AJAP1: variants seen among roughly 807,000 people sequenced by gnomAD.
The protein encoded by AJAP1 is adherens junctions associated protein 1.
Under a neutral mutation model 35.0 loss-of-function variants are expected in AJAP1, and 5 were observed. The ratio of observed to expected loss-of-function variants is 0.14; its 90% CI spans 0.07 to 0.30. The LOEUF (loss-of-function observed/expected upper bound fraction) is 0.30, where lower values mean the gene tolerates loss of function less well. AJAP1 is among the 10% of genes least tolerant of loss of function. The pLI, the probability that AJAP1 is intolerant of heterozygous loss-of-function variation, is 1.00. For synonymous variants in AJAP1, 284 were observed against 249.3 expected (o/e 1.14, Z -1.31); for missense variants, 586 against 571.0 (o/e 1.03, Z -0.27).
rs575667020 is a variant in AJAP1 at position 4,784,564 on chromosome 1, G to A, written c.*2079G>A. 7.9e-5 allele frequency: 12 copies of A among 152,298 alleles called. No individual in the cohort carries two copies. The highest frequency in any genetic ancestry group is 2.6e-4 in the African/African-American group (11 of 41,554). The allele number at this position is 152,298 out of a possible 1,614,324, so 9.4% of individuals were successfully genotyped here. On this transcript the variant is annotated 3_prime_UTR_variant, in exon 6 of 6. Coordinates refer to ENST00000378191, the MANE Select transcript of AJAP1 (RefSeq NM_018836.4). ...AAACACCTTGTGATATGCTTCAGAA[G>A]TTCACTTTTGTATCTCCTGAAACAT...
chr1:4,659,957 C>T lies in AJAP1; in HGVS notation c.29+4503C>T, dbSNP rs184873738. 1.7e-3 allele frequency among the ~76,000 whole-genome samples: 257 copies of T among 152,310 alleles called. 1 individual carries two copies. The highest frequency in any genetic ancestry group is 5.9e-3 in the African/African-American group (247 of 41,576). On this transcript the variant is annotated intron_variant, in intron 1 of 5. Coordinates refer to ENST00000378191, the MANE Select transcript of AJAP1 (RefSeq NM_018836.4). ...TCCCTAGAAATTTCTGCATAAACCG[C>T]CCCTTAATCTCCGTGGAATTAAAAG...
intron 1 of AJAP1, among the ~76,000 whole-genome samples, chr1:4,663,434 A>G (rs1309308154): frequency 6.6e-6 from 1 of 152,198 alleles, no homozygotes; most frequent in East Asian, 1.9e-4. Flanking sequence ...CAGGAATTCC[A>G]TGATGGGGAT....
chr1:4,763,769 C>G (rs563041600), intron 2 of AJAP1, among the ~76,000 whole-genome samples: 7 of 150,520 alleles, frequency 4.7e-5, no homozygotes, highest in Admixed American at 1.3e-4. Flanking sequence ...CTCTGTCTCT[C>G]TCTTCCTCCC....
At chr1:4,759,676 G>A (rs867413054) in intron 2 of AJAP1, among the ~76,000 whole-genome samples, 2 of 152,222 alleles carry the variant, frequency 1.3e-5, no homozygotes, top group Non-Finnish European at 2.9e-5. Flanking sequence ...GGAAACTGAA[G>A]TCACAGCACC....
chr1:4,740,397 T>TGGGGGAGGGGGAGGGGGAGCGAGTG (rs1553159528), intron 2 of AJAP1, among the ~76,000 whole-genome samples: 1 of 142,914 alleles, frequency 7.0e-6, no homozygotes. Context: ...GGGGACAGAG[T>TGGGGGAGGGGGAGGGGGAGCGAGTG]TTCAGTTTTG....
chr1:4,693,439 C>T lies in AJAP1; in HGVS notation c.30-18461C>T, dbSNP rs1570119463. Among the ~76,000 whole-genome samples the T allele has an allele frequency of 6.6e-6, 1 of 152,188 alleles. No individual in the cohort carries two copies. Among genetic ancestry groups the T allele is most frequent in the Admixed American group, 6.5e-5 (1 of 15,294 alleles). ...AGCAGGAGCAGGTAGGGCTTCTGGGCTAAGACTGAGCGTCCAAGCCTTCCT... is the reference window on the plus strand; with the variant it reads ...AGCAGGAGCAGGTAGGGCTTCTGGGTTAAGACTGAGCGTCCAAGCCTTCCT... On this transcript the variant is annotated intron_variant, in intron 1 of 5. Coordinates refer to ENST00000378191, the MANE Select transcript of AJAP1 (RefSeq NM_018836.4). The surrounding 1 kb of genome is among the most constrained non-coding windows in gnomAD (Gnocchi z 4.4).
intron 1 of AJAP1, among the ~76,000 whole-genome samples, chr1:4,672,310 G>A (rs933876977): frequency 1.3e-5 from 2 of 152,182 alleles, no homozygotes; most frequent in African/African-American, 4.8e-5. Flanking sequence ...CATTCCGCTA[G>A]GAGCCCTGAA....
intron 1 of AJAP1, among the ~76,000 whole-genome samples, chr1:4,704,326 G>A (rs957012872): frequency 8.7e-6 from 1 of 114,798 alleles, no homozygotes; most frequent in African/African-American, 3.6e-5. Context: ...CCCCACAACG[G>A]TGCCCAGAGT....
intron 2 of AJAP1, among the ~76,000 whole-genome samples, chr1:4,733,973 G>T (rs748116210): frequency 1.1e-4 from 16 of 152,188 alleles, no homozygotes; most frequent in Non-Finnish European, 2.1e-4. Flanking sequence ...GAATGGAGCG[G>T]TTCACGCGAG....
At chr1:4,713,785 G>A (rs1219525200) in intron 2 of AJAP1, among the ~76,000 whole-genome samples, 1 of 152,268 alleles carries the variant, frequency 6.6e-6, no homozygotes, top group Non-Finnish European at 1.5e-5. Context: ...TAGGGCGTCA[G>A]TACAAAGTGG....
rs1641956893 is a variant in AJAP1, at chr1:4,777,172, G to C, written c.*59+2614G>C. 2.0e-5 allele frequency among the ~76,000 whole-genome samples: 3 copies of C among 152,166 alleles called. No individual in the cohort carries two copies. The South Asian group carries it at 6.2e-4, about 32-fold the overall frequency. ...GCAGAATAGCCAGAAACATCTCTCA[G>C]ATTTGCTGGGGTACTTATTGTCCCT... On this transcript the variant is annotated intron_variant, in intron 5 of 5. Transcript: ENST00000378191.
In AJAP1 at chr1:4,655,328, C is replaced by A; in HGVS notation, c.-98C>A. 1 of 1,150,562 alleles carries A rather than the reference C, an allele frequency of 8.7e-7. No homozygotes were observed. Among genetic ancestry groups the A allele is most frequent in the Non-Finnish European group, 1.1e-6 (1 of 887,452 alleles). 71.3% of individuals were successfully genotyped at this position (1,150,562 alleles called of 1,614,324 possible). ...CGGCGGGAGGCGGCGGACCGAGAGC[C>A]GGAGACCGGCGCCGCGGGACGGAAG... On this transcript the variant is annotated 5_prime_UTR_variant, in exon 1 of 6. Coordinates refer to ENST00000378191, the MANE Select transcript of AJAP1 (RefSeq NM_018836.4). The surrounding 1 kb of genome is among the most constrained non-coding windows in gnomAD (Gnocchi z 6.9).
chr1:4,678,197 A>G (rs1314423815), intron 1 of AJAP1, among the ~76,000 whole-genome samples: 1 of 152,222 alleles, frequency 6.6e-6, no homozygotes, highest in East Asian at 1.9e-4. Context: ...GTTGAAGAAG[A>G]ACAAATATTT....
chr1:4,691,817 G>A (rs551006919), intron 1 of AJAP1, among the ~76,000 whole-genome samples: 1 of 152,002 alleles, frequency 6.6e-6, no homozygotes. Flanking sequence ...CTCAGAGGGG[G>A]CCCATGACCT....
At position 4,782,507 on chromosome 1, in the gene AJAP1, G is replaced by A. The variant is rs1642082656; in HGVS notation, c.*60-38G>A. Reference sequence around the variant, plus strand: ...CACAGACTTGTCGCGCCCTCGGCGTGCTGCCATTTAATCTCTTCTTGTTTT... The same window carrying A: ...CACAGACTTGTCGCGCCCTCGGCGTACTGCCATTTAATCTCTTCTTGTTTT... On this transcript the variant is annotated intron_variant, in intron 5 of 5. Coordinates refer to ENST00000378191, the MANE Select transcript of AJAP1 (RefSeq NM_018836.4). This position sits in a 1 kb window ranked among gnomAD's most constrained non-coding sequence, Gnocchi z 5.3. The A allele has an allele frequency of 2.8e-6, 1 of 358,842 alleles. No homozygotes were observed. The highest frequency in any genetic ancestry group is 4.7e-5 in the Admixed American group (1 of 21,434). 22.2% of individuals were successfully genotyped at this position (358,842 alleles called of 1,614,324 possible). A position where few individuals can be genotyped will look rare whatever the true frequency, so the allele number is the denominator to read the frequency against.
At chr1:4,685,278 T>C (rs1639579413) in intron 1 of AJAP1, among the ~76,000 whole-genome samples, 1 of 152,196 alleles carries the variant, frequency 6.6e-6, no homozygotes, top group African/African-American at 2.4e-5. Context: ...AATCATAAAA[T>C]GGAAGAGCAG....
intron 1 of AJAP1, among the ~76,000 whole-genome samples, chr1:4,694,823 G>A (rs573627320): frequency 1.3e-5 from 2 of 152,324 alleles, no homozygotes; most frequent in South Asian, 4.1e-4. Context: ...TAGGTTGTGA[G>A]CACAGTGGAA....
intron 2 of AJAP1, among the ~76,000 whole-genome samples, chr1:4,741,342 G>C (rs1641064418): frequency 6.6e-6 from 1 of 152,164 alleles, no homozygotes; most frequent in Non-Finnish European, 1.5e-5. Context: ...TCCCTCTGGA[G>C]GTTCCAGGGG....
chr1:4,690,092 A>G (rs1247687441), intron 1 of AJAP1, among the ~76,000 whole-genome samples: 1 of 151,838 alleles, frequency 6.6e-6, no homozygotes, highest in Admixed American at 6.6e-5. Context: ...CAAAGACAAG[A>G]CTCAGTGCCT....
Sources: gnomAD v4.1 joint callset for allele counts (sites outside exome capture counted in the v4.1 genomes callset) on GRCh38, gnomAD v4.1.1 for gene constraint, Gnocchi (gnomAD v3.1) non-coding constraint, MANE v1.5 for transcripts, NCBI Gene and HGNC (gene_info 2026-07-23, HGNC 2026-07-21) for gene names.